CCDC171: variants seen among roughly 807,000 people sequenced by gnomAD.
CCDC171 encodes coiled-coil domain-containing protein 171.
In CCDC171, 177 loss-of-function variants were observed where a neutral mutation model predicts 168.2. That is an observed-to-expected ratio of 1.05 (90% CI 0.93 to 1.19). The LOEUF (loss-of-function observed/expected upper bound fraction) is 1.19. CCDC171 is among the 50% of genes most tolerant of loss of function. The probability of loss-of-function intolerance (pLI) is 0.00; values close to 1 mark genes in which losing one functional copy is unlikely to be tolerated. For missense variants in CCDC171, 1,991 were observed against 1,539.0 expected, an observed-to-expected ratio of 1.29 and a Z score of -4.91; for synonymous variants, 687 against 540.8, an observed-to-expected ratio of 1.27 and a Z score of -3.75.
intron 3 of CCDC171, among the ~76,000 whole-genome samples, chr9:16,013,153 T>C (rs1001258940): frequency 2.0e-5 from 3 of 152,202 alleles, no homozygotes; most frequent in African/African-American, 7.2e-5. Flanking sequence ...CTTTCCAGTA[T>C]TCAAAACCAC....
intron 2 of CCDC171, among the ~76,000 whole-genome samples, chr9:15,564,487 C>T (rs770087095): frequency 6.6e-6 from 1 of 152,152 alleles, no homozygotes; most frequent in African/African-American, 2.4e-5. Flanking sequence ...ATTCCTCTTT[C>T]TTCATTGGCC....
At chr9:15,901,565 A>T (rs1563965913) in intron 24 of CCDC171, among the ~76,000 whole-genome samples, 2 of 152,064 alleles carry the variant, frequency 1.3e-5, no homozygotes, top group African/African-American at 4.8e-5. Flanking sequence ...ACATCCTATA[A>T]TTTTTTTTAT....
chr9:15,951,329 C>G (rs1829139458), intron 25 of CCDC171, among the ~76,000 whole-genome samples: 1 of 151,898 alleles, frequency 6.6e-6, no homozygotes, highest in Non-Finnish European at 1.5e-5. Flanking sequence ...ACATTTTTTT[C>G]AGCACCACAC....
intron 21 of CCDC171, among the ~76,000 whole-genome samples, chr9:15,823,418 T>G (rs1289782767): frequency 6.6e-6 from 1 of 152,184 alleles, no homozygotes; most frequent in African/African-American, 2.4e-5. Context: ...TGTTTTCTCT[T>G]CATATACTTT....
rs112019099 is a variant in CCDC171, at chr9:15,768,116, G to A, written c.2672-9484G>A. On this transcript the variant is annotated intron_variant, in intron 18 of 25. Coordinates refer to ENST00000380701, the MANE Select transcript of CCDC171 (RefSeq NM_173550.4). ...TTTATTTACCATCTATGTGCTGATG[G>A]CTCCCAAATATTATCTGTAACCTAG... Among the ~76,000 whole-genome samples the A allele has an allele frequency of 5.6e-3, 838 of 149,960 alleles. 3 individuals are homozygous for A. The highest frequency in any genetic ancestry group is 9.5e-3 in the Non-Finnish European group (643 of 67,594).
chr9:15,984,372 A>G (rs1270328960), intron 3 of CCDC171, among the ~76,000 whole-genome samples: 1 of 147,434 alleles, frequency 6.8e-6, no homozygotes, highest in Non-Finnish European at 1.5e-5. Context: ...AATTAAGCAC[A>G]GTCTTTCTGG....
At chr9:15,837,987 C>T (rs2060520473) in intron 21 of CCDC171, among the ~76,000 whole-genome samples, 1 of 152,066 alleles carries the variant, frequency 6.6e-6, no homozygotes, top group South Asian at 2.1e-4. Context: ...CCTTATAAAA[C>T]AATTACTGAG....
At chr9:15,663,637 G>A (rs2048493184) in intron 8 of CCDC171, among the ~76,000 whole-genome samples, 1 of 138,846 alleles carries the variant, frequency 7.2e-6, no homozygotes, top group Admixed American at 7.9e-5. Context: ...AGGGAGTATC[G>A]CTCTGTCACC....
intron 11 of CCDC171, among the ~76,000 whole-genome samples, chr9:15,704,004 G>A (rs958264434): frequency 1.3e-5 from 2 of 152,142 alleles, no homozygotes; most frequent in African/African-American, 4.8e-5. Context: ...AATATGACAT[G>A]GAGACACAAA....
chr9:15,730,527 C>G (rs1022080158), intron 16 of CCDC171, among the ~76,000 whole-genome samples: 2 of 151,718 alleles, frequency 1.3e-5, no homozygotes, highest in Non-Finnish European at 2.9e-5. Context: ...TACTTAGGAA[C>G]CAGAAGGTTG....
At chr9:15,819,388 C>A (rs2059680398) in intron 21 of CCDC171, among the ~76,000 whole-genome samples, 3 of 117,486 alleles carry the variant, frequency 2.6e-5, no homozygotes, top group South Asian at 5.6e-4. Flanking sequence ...AATTAAAAGA[C>A]ACAGACTGGC....
intron 4 of CCDC171, among the ~76,000 whole-genome samples, chr9:15,589,788 C>T (rs2041849831): frequency 6.6e-6 from 1 of 151,658 alleles, no homozygotes; most frequent in Non-Finnish European, 1.5e-5. Context: ...GAAGAAACCT[C>T]CCAGAAATTA....
chr9:16,079,314 C>A, the CCDC171 span, among the ~76,000 whole-genome samples: 16 of 152,154 alleles, frequency 1.1e-4, no homozygotes, highest in African/African-American at 3.4e-4. Flanking sequence ...ACTACCAGTA[C>A]ATAGAATGTG....
chr9:16,104,342 C>T, the CCDC171 span, among the ~76,000 whole-genome samples: 1 of 151,688 alleles, frequency 6.6e-6, no homozygotes, highest in South Asian at 2.1e-4. Context: ...GTCTCCAAAG[C>T]TCCTGCCTTT....
chr9:15,655,730 A>G (rs562420415), intron 7 of CCDC171, among the ~76,000 whole-genome samples: 3 of 152,352 alleles, frequency 2.0e-5, no homozygotes, highest in South Asian at 2.1e-4. Context: ...AAACAGCTCA[A>G]TTAAAAAATG....
chr9:15,980,349 A>C (rs899321640), intron 3 of CCDC171, among the ~76,000 whole-genome samples: 2 of 152,198 alleles, frequency 1.3e-5, no homozygotes, highest in Non-Finnish European at 2.9e-5. Context: ...CTAATTCTTA[A>C]GTTGGACTCA....
chr9:15,953,586 T>C (rs1829450164), intron 25 of CCDC171, among the ~76,000 whole-genome samples: 1 of 152,172 alleles, frequency 6.6e-6, no homozygotes, highest in Admixed American at 6.6e-5. Context: ...GCTTGTATTT[T>C]GTTGAGGATT....
intron 6 of CCDC171, among the ~76,000 whole-genome samples, chr9:15,596,519 C>T (rs913133219): frequency 1.1e-4 from 16 of 152,076 alleles, no homozygotes; most frequent in Admixed American, 1.0e-3. Flanking sequence ...TATTTTGGTA[C>T]CAGTACCATG....
intron 6 of CCDC171, among the ~76,000 whole-genome samples, chr9:15,600,702 GC>G (rs1237816272): frequency 3.3e-5 from 5 of 152,218 alleles, no homozygotes; most frequent in Non-Finnish European, 2.9e-5. Flanking sequence ...GGTTTCTGCT[GC>G]CTTTTGTTTG....
Sources: allele counts gnomAD v4.1 joint callset (sites outside exome capture counted in the v4.1 genomes callset), GRCh38; gene constraint gnomAD v4.1.1; transcripts MANE v1.5; gene names NCBI Gene and HGNC (gene_info 2026-07-23, HGNC 2026-07-21).